CUX2: variants seen among roughly 807,000 people sequenced by gnomAD.
CUX2 encodes cut like homeobox 2.
A neutral mutation model predicts 144.8 loss-of-function variants in CUX2; 40 were observed. The ratio of observed to expected loss-of-function variants is 0.28; its 90% CI spans 0.21 to 0.36. The LOEUF (loss-of-function observed/expected upper bound fraction) is 0.36. CUX2 is among the 10% of genes least tolerant of loss of function. The pLI is 1.00. For synonymous variants in CUX2, 827 were observed against 875.6 expected, an observed-to-expected ratio of 0.94 and a Z score of 0.98; for missense variants, 1,615 against 1,994.0, an observed-to-expected ratio of 0.81 and a Z score of 3.62.
At chr12:111,201,957 CA>C (rs1435004776) in intron 1 of CUX2, among the ~76,000 whole-genome samples, 1 of 152,092 alleles carries the variant, frequency 6.6e-6, no homozygotes, top group Non-Finnish European at 1.5e-5. Context: ...TTCCCAGCTG[CA>C]AAAGGAATTA....
intron 4 of CUX2, among the ~76,000 whole-genome samples, chr12:111,266,749 C>G (rs963959027): frequency 8.5e-5 from 13 of 152,226 alleles, no homozygotes; most frequent in African/African-American, 3.1e-4. Context: ...TGCTTTTCTA[C>G]TGCAGCGCTG....
chr12:111,152,952 A>G (rs913276651), intron 1 of CUX2, among the ~76,000 whole-genome samples: 17 of 152,268 alleles, frequency 1.1e-4, no homozygotes, highest in Admixed American at 1.3e-4. Context: ...TTGGGCTTGT[A>G]AATGGGAGAT....
chr12:111,131,077 T>G (rs1875442609), intron 1 of CUX2, among the ~76,000 whole-genome samples: 1 of 152,238 alleles, frequency 6.6e-6, no homozygotes, highest in African/African-American at 2.4e-5. Flanking sequence ...GTTTTCACAC[T>G]GCTGATAAAG....
chr12:111,100,086 C>T (rs539414202), intron 1 of CUX2: 8 of 456,596 alleles, frequency 1.8e-5, no homozygotes, highest in South Asian at 7.7e-5. Flanking sequence ...GAGCCTTGGA[C>T]GGCTCTGGAG....
chr12:111,308,376 G>C (rs774031848), intron 13 of CUX2, 43 bp downstream of exon 13: 2 of 1,613,976 alleles, frequency 1.2e-6, no homozygotes, highest in Admixed American at 1.7e-5. Context: ...GGCTGCCCCA[G>C]TGAGCCTTCC....
chr12:111,317,622 T>C (rs1348590225), intron 16 of CUX2, among the ~76,000 whole-genome samples: 4 of 152,218 alleles, frequency 2.6e-5, no homozygotes, highest in African/African-American at 4.8e-5. Context: ...CTGTTGTTCC[T>C]TTGTGTTTGC....
intron 1 of CUX2, among the ~76,000 whole-genome samples, chr12:111,044,254 G>A (rs1032695518): frequency 6.6e-6 from 1 of 152,214 alleles, no homozygotes; most frequent in East Asian, 1.9e-4. Context: ...GAGACGCTCC[G>A]TTGAGGTCGC....
chr12:111,288,689 G>T (rs149767770), intron 4 of CUX2, among the ~76,000 whole-genome samples: 2 of 152,036 alleles, frequency 1.3e-5, no homozygotes, highest in Non-Finnish European at 2.9e-5. Flanking sequence ...TTGGCCGGGC[G>T]CAGTAGCTCA....
intron 1 of CUX2, among the ~76,000 whole-genome samples, chr12:111,108,565 G>C (rs1006670448): frequency 1.3e-5 from 2 of 151,536 alleles, no homozygotes; most frequent in African/African-American, 4.9e-5. Flanking sequence ...ATTTATATCA[G>C]TGTGGACTCA....
intron 4 of CUX2, among the ~76,000 whole-genome samples, chr12:111,275,025 G>T (rs1344415978): frequency 6.6e-6 from 1 of 151,986 alleles, no homozygotes; most frequent in Non-Finnish European, 1.5e-5. Context: ...AATAGGCGAA[G>T]TTGTACCCAC....
intron 1 of CUX2, among the ~76,000 whole-genome samples, chr12:111,104,864 C>T (rs778102273): frequency 6.6e-5 from 10 of 152,274 alleles, no homozygotes; most frequent in South Asian, 2.1e-4. Flanking sequence ...CACCTGGGCT[C>T]GCAGCCAGCT....
At chr12:111,208,881 T>A (rs1308805543) in intron 1 of CUX2, among the ~76,000 whole-genome samples, 1 of 152,212 alleles carries the variant, frequency 6.6e-6, no homozygotes, top group Non-Finnish European at 1.5e-5. Context: ...TTGTTTTTGG[T>A]TATACTTTTG....
At position 111,059,614 on chromosome 12, in the gene CUX2, T is replaced by C. The variant is rs1269946399; in HGVS notation, c.63+25374T>C. Among the ~76,000 whole-genome samples, 1 of 151,654 alleles carries C rather than the reference T, an allele frequency of 6.6e-6. No individual in the cohort carries two copies. The highest frequency in any genetic ancestry group is 1.5e-5 in the Non-Finnish European group (1 of 67,904). On this transcript the variant is annotated intron_variant, in intron 1 of 21. Transcript: ENST00000261726. This position sits in a 1 kb window ranked among gnomAD's most constrained non-coding sequence, Gnocchi z 5.3. Reference sequence around the variant, plus strand: ...ATCCTAGAGGTGGGGAGGTGGGAGATGAAGTGGGGGCAGGGTGGCAGGAGC... The same window carrying C: ...ATCCTAGAGGTGGGGAGGTGGGAGACGAAGTGGGGGCAGGGTGGCAGGAGC...
intron 1 of CUX2, among the ~76,000 whole-genome samples, chr12:111,063,431 C>T (rs1344740085): frequency 6.6e-6 from 1 of 152,050 alleles, no homozygotes; most frequent in African/African-American, 2.4e-5. Flanking sequence ...CGTGTGTGAG[C>T]ATGTGAGACG....
intron 3 of CUX2, among the ~76,000 whole-genome samples, chr12:111,233,220 C>T (rs746181202): frequency 6.6e-6 from 1 of 152,134 alleles, no homozygotes; most frequent in Non-Finnish European, 1.5e-5. Flanking sequence ...CCAGTCTCTC[C>T]ATATCTGCTC....
intron 21 of CUX2, among the ~76,000 whole-genome samples, chr12:111,346,488 A>G (rs1888811743): frequency 6.6e-6 from 1 of 152,018 alleles, no homozygotes; most frequent in South Asian, 2.1e-4. Flanking sequence ...AAAAAAAAAA[A>G]AAGAAAAGAA....
At chr12:111,139,680 G>A (rs1057015207) in intron 1 of CUX2, among the ~76,000 whole-genome samples, 20 of 152,174 alleles carry the variant, frequency 1.3e-4, no homozygotes, top group African/African-American at 4.8e-4. Flanking sequence ...TATACAAAGT[G>A]GATGAACAAA....
At chr12:111,085,967 T>G (rs1256180911) in intron 1 of CUX2, among the ~76,000 whole-genome samples, 1 of 152,204 alleles carries the variant, frequency 6.6e-6, no homozygotes, top group Non-Finnish European at 1.5e-5. Flanking sequence ...CCCTGAATGG[T>G]GTGAGATCAG....
intron 19 of CUX2, among the ~76,000 whole-genome samples, chr12:111,336,014 C>T (rs1185452210): frequency 6.6e-6 from 1 of 152,200 alleles, no homozygotes; most frequent in African/African-American, 2.4e-5. Context: ...GCATCTGGCT[C>T]TGACCTGGGT....
Sources: allele counts gnomAD v4.1 joint callset (sites outside exome capture counted in the v4.1 genomes callset), GRCh38; gene constraint gnomAD v4.1.1; non-coding constraint Gnocchi (gnomAD v3.1); transcripts MANE v1.5; gene names NCBI Gene and HGNC (gene_info 2026-07-23, HGNC 2026-07-21).